Variants in CACNA1H observed in about 807,000 individuals in gnomAD.
The protein encoded by CACNA1H is voltage-dependent T-type calcium channel subunit alpha-1H.
In CACNA1H, 149 loss-of-function variants were observed where a neutral mutation model predicts 192.5. That is an observed-to-expected ratio of 0.77 (90% CI 0.68 to 0.89). The LOEUF is 0.89. Ranked by LOEUF, CACNA1H falls within the 40% of genes least tolerant of loss-of-function variation. The pLI, the probability that CACNA1H is intolerant of heterozygous loss-of-function variation, is 0.00. For missense variants in CACNA1H, 4,257 were observed against 3,423.5 expected, an observed-to-expected ratio of 1.24 and a Z score of -6.08; for synonymous variants, 2,202 against 1,475.2, an observed-to-expected ratio of 1.49 and a Z score of -11.29.
intron 2 of CACNA1H, among the ~76,000 whole-genome samples, chr16:1,193,757 C>T (rs1596376894): frequency 6.6e-6 from 1 of 152,224 alleles, no homozygotes; most frequent in African/African-American, 2.4e-5. Flanking sequence ...AAATGCTGAC[C>T]TGCTAGGAGG....
intron 2 of CACNA1H, among the ~76,000 whole-genome samples, chr16:1,170,961 C>G (rs574099352): frequency 5.3e-5 from 8 of 152,088 alleles, no homozygotes; most frequent in Non-Finnish European, 8.8e-5. Context: ...TTCTGCTCCC[C>G]AGGGGGACAG....
At chr16:1,162,954 C>T (rs1165648566) in intron 2 of CACNA1H, among the ~76,000 whole-genome samples, 1 of 152,220 alleles carries the variant, frequency 6.6e-6, no homozygotes, top group African/African-American at 2.4e-5. Context: ...CCTGGCCCTG[C>T]GGCCACGCGG....
At chr16:1,208,847 C>T (rs1286658859) in intron 16 of CACNA1H, among the ~76,000 whole-genome samples, 185 bp from the exon 17 acceptor site, 2 of 152,224 alleles carry the variant, frequency 1.3e-5, no homozygotes, top group East Asian at 1.9e-4. Context: ...GACACCCTGA[C>T]CCTCATGAGC....
At chr16:1,211,852 G>A in intron 24 of CACNA1H, 47 bp downstream of exon 24, 1 of 1,610,208 alleles carries the variant, frequency 6.2e-7, no homozygotes, top group Non-Finnish European at 8.5e-7. Context: ...TCTCCCGCGA[G>A]CGGCTGCCTT....
chr16:1,204,502 G>A, intron 10 of CACNA1H, 44 bp downstream of exon 10: 1 of 1,460,464 alleles, frequency 6.8e-7, no homozygotes, highest in Admixed American at 2.3e-5. Context: ...TGTCAGGCTT[G>A]CAGGGCCTGG....
chr16:1,188,626 AGGGGCCGGGAGAAAAC>A (rs1567481482), intron 2 of CACNA1H, among the ~76,000 whole-genome samples: 1 of 152,154 alleles, frequency 6.6e-6, no homozygotes, highest in Non-Finnish European at 1.5e-5. Flanking sequence ...GCCCGCGCCC[AGGGGCCGGGAGAAAAC>A]GGCGCCTTCA....
At chr16:1,157,449 C>G (rs536531931) in intron 2 of CACNA1H, among the ~76,000 whole-genome samples, 1 of 152,144 alleles carries the variant, frequency 6.6e-6, no homozygotes, top group Non-Finnish European at 1.5e-5. Flanking sequence ...GGACGAGCTG[C>G]GGGAGCCTGA....
chr16:1,177,644 C>G (rs558360503), intron 2 of CACNA1H, among the ~76,000 whole-genome samples: 11 of 151,784 alleles, frequency 7.2e-5, no homozygotes, highest in Admixed American at 2.0e-4. Flanking sequence ...ACGTGGTGGC[C>G]GGGGACAGAG....
intron 31 of CACNA1H, among the ~76,000 whole-genome samples, chr16:1,217,705 C>T (rs1405109573): frequency 2.6e-5 from 4 of 152,068 alleles, no homozygotes; most frequent in Non-Finnish European, 5.9e-5. Flanking sequence ...GAGCCCCAGC[C>T]CAGGTGCGGC....
chr16:1,219,882 G>T, intron 34 of CACNA1H, 99 bp from the exon 35 acceptor site: 1 of 959,710 alleles, frequency 1.0e-6, no homozygotes, highest in Non-Finnish European at 1.4e-6. Flanking sequence ...GCCCAGTTTG[G>T]CCTCTCCAGT....
At chr16:1,204,612 G>A (rs1968428445) in intron 10 of CACNA1H, among the ~76,000 whole-genome samples, 154 bp downstream of exon 10, 1 of 152,226 alleles carries the variant, frequency 6.6e-6, no homozygotes, top group Admixed American at 6.5e-5. Flanking sequence ...TAGGAGACCA[G>A]GTGTGCCGAG....
intron 26 of CACNA1H, 64 bp from the exon 27 acceptor site, chr16:1,213,716 T>G: frequency 7.6e-7 from 1 of 1,308,122 alleles, no homozygotes; most frequent in Non-Finnish European, 1.0e-6. Context: ...GAGAATGGAG[T>G]CTGCAGGAGC....
intron 5 of CACNA1H, among the ~76,000 whole-genome samples, chr16:1,196,895 G>A (rs963775024): frequency 2.2e-4 from 33 of 152,310 alleles, no homozygotes; most frequent in African/African-American, 5.8e-4. Flanking sequence ...GCCCCCACGA[G>A]GCCGTACCAG....
At position 1,209,058 on chromosome 16, in the gene CACNA1H, C is replaced by T. The variant is rs766263798; in HGVS notation, c.3390C>T (p.Ala1130=). Residue 1130 remains alanine, a synonymous_variant, in exon 17 of 35, where the codon GCC becomes GCT. Transcript: ENST00000348261. ...PPASLRSSPC[A]PWGPSGAWSS... is the part of the protein sequence containing the mutation. ...CCAGCCTCCGAAGTTCTCCCTGTGC[C>T]CCCTGGGGCCCCAGTGGCGCCTGGA... 3.3e-6 allele frequency: 5 copies of T among 1,533,244 alleles called. No homozygotes were observed. Among genetic ancestry groups the T allele is most frequent in the Non-Finnish European group, 4.4e-6 (5 of 1,145,806 alleles). The allele number at this position is 1,533,244 out of a possible 1,614,324, so 95.0% of individuals were successfully genotyped here.
In CACNA1H at chr16:1,220,960, C is replaced by G. The variant is rs1596482640; in HGVS notation, c.7028C>G (p.Pro2343Arg). ...AAACCAGGGTCCCCCTCAGCCACCC[C>G]TGCCCCAGGGGGTGGTGCAGATGAC... ...LEKPGSPSAT[P>R]APGGGADDPV The change falls in exon 35 of 35, where the codon CCT becomes CGT. Residue 2343 changes from proline to arginine, a missense_variant. Transcript: ENST00000348261. The G allele has an allele frequency of 1.2e-6, 2 of 1,604,874 alleles. No homozygotes were observed. The highest frequency in any genetic ancestry group is 1.3e-5 in the African/African-American group (1 of 74,408).
rs1567543377 is a variant in CACNA1H at position 1,212,072 on chromosome 16, C to G, written c.4693C>G (p.Gln1565Glu). The G allele has an allele frequency of 2.5e-6, 4 of 1,612,918 alleles. No homozygotes were observed. The highest frequency in any genetic ancestry group is 3.4e-6 in the Non-Finnish European group (4 of 1,179,640). ...GAACTTCCACAAGTGCCGGCAGCAC[C>G]AGGAGGCGGAGGAGGCGCGGCGGCG... Reference protein sequence around the residue: ...VENFHKCRQHQEAEEARRREE... With the variant: ...VENFHKCRQHEEAEEARRREE... Residue 1565 changes from glutamine (Q) to glutamate (E), a missense_variant, in exon 25 of 35, where the codon CAG (glutamine) becomes GAG (glutamate). Coordinates refer to ENST00000348261, the MANE Select transcript of CACNA1H (RefSeq NM_021098.3).
In CACNA1H at chr16:1,212,088, C is replaced by G. The variant is rs558718048; in HGVS notation, c.4709C>G (p.Ala1570Gly). 9.3e-6 allele frequency: 15 copies of G among 1,611,880 alleles called. No individual in the cohort carries two copies. In the East Asian group the frequency reaches 3.1e-4, roughly 34 times the overall value. The stretch of plus-strand genomic sequence containing the variant: ...CGGCAGCACCAGGAGGCGGAGGAGG[C>G]GCGGCGGCGAGAGGAGAAGCGGCTG... ...KCRQHQEAEE[A>G]RRREEKRLRR... Residue 1570 changes from alanine (A) to glycine (G), a missense_variant, in exon 25 of 35, where the codon GCG becomes GGG. Physicochemically the swap from Ala to Gly is moderately conservative, Grantham distance 60. Transcript: ENST00000348261.
Position 1,209,061 on chromosome 16 carries a change from C to G in CACNA1H, c.3393C>G (p.Pro1131=). The change falls in exon 17 of 35, where the codon CCC becomes CCG. Residue 1131 remains proline (P), a synonymous_variant. Coordinates refer to ENST00000348261, the MANE Select transcript of CACNA1H (RefSeq NM_021098.3). ...GCCTCCGAAGTTCTCCCTGTGCCCC[C>G]TGGGGCCCCAGTGGCGCCTGGAGCA... ...PASLRSSPCA[P]WGPSGAWSSR... is the part of the protein sequence containing the mutation. 4 of 1,539,172 alleles carry G rather than the reference C, an allele frequency of 2.6e-6. No individual in the cohort carries two copies. Among genetic ancestry groups the G allele is most frequent in the Non-Finnish European group, 3.5e-6 (4 of 1,148,288 alleles).
At chr16:1,170,040 G>A (rs1302386853) in intron 2 of CACNA1H, among the ~76,000 whole-genome samples, 2 of 152,228 alleles carry the variant, frequency 1.3e-5, no homozygotes, top group East Asian at 3.9e-4. Context: ...GGAAGAGACA[G>A]TGTGGGCTGA....
Sources: allele counts gnomAD v4.1 joint callset (sites outside exome capture counted in the v4.1 genomes callset), GRCh38; gene constraint gnomAD v4.1.1; transcripts MANE v1.5; gene names NCBI Gene and HGNC (gene_info 2026-07-23, HGNC 2026-07-21).